ZNF804B: variants seen among roughly 807,000 people sequenced by gnomAD.
ZNF804B encodes the protein zinc finger 804B.
A neutral mutation model predicts 101.4 loss-of-function variants in ZNF804B; 80 were observed. That is an observed-to-expected ratio of 0.79 (90% CI 0.66 to 0.95). The LOEUF (loss-of-function observed/expected upper bound fraction) is 0.95, where lower values mean the gene tolerates loss of function less well. ZNF804B is among the 40% of genes least tolerant of loss of function. The pLI, the probability that ZNF804B is intolerant of heterozygous loss-of-function variation, is 0.00. For synonymous variants in ZNF804B, 622 were observed against 558.8 expected (o/e 1.11, Z -1.59); for missense variants, 1,673 against 1,561.9 (o/e 1.07, Z -1.20).
rs1584127242 is a variant in ZNF804B, at chr7:89,327,280, T to C, written c.250-64T>C. The C allele has an allele frequency of 2.1e-6, 3 of 1,460,658 alleles. No individual in the cohort carries two copies. In the East Asian group the frequency reaches 7.3e-5, roughly 36 times the overall value. 90.5% of individuals were successfully genotyped at this position (1,460,658 alleles called of 1,614,324 possible). A position where few individuals can be genotyped will look rare whatever the true frequency, so the allele number is the denominator to read the frequency against. On this transcript the variant is annotated intron_variant, in intron 2 of 3. Coordinates refer to ENST00000333190, the MANE Select transcript of ZNF804B (RefSeq NM_181646.5). Reference sequence around the variant, plus strand: ...TTAGGATAAAGAATAATAAGGAGCCTTGTGGATGGAAAAGAATATATTATT... The same window carrying C: ...TTAGGATAAAGAATAATAAGGAGCCCTGTGGATGGAAAAGAATATATTATT...
chr7:89,188,433 G>A (rs1001293469), intron 1 of ZNF804B, among the ~76,000 whole-genome samples: 1 of 151,922 alleles, frequency 6.6e-6, no homozygotes, highest in Non-Finnish European at 1.5e-5. Flanking sequence ...AAATTACGTC[G>A]ATTTTTAATC....
At chr7:89,021,261 C>A (rs1788662647) in intron 1 of ZNF804B, among the ~76,000 whole-genome samples, 1 of 152,016 alleles carries the variant, frequency 6.6e-6, no homozygotes, top group South Asian at 2.1e-4. Flanking sequence ...GTCTCAGTGG[C>A]CTGGGCTGAA....
At chr7:89,013,812 C>G (rs1212101853) in intron 1 of ZNF804B, among the ~76,000 whole-genome samples, 2 of 152,132 alleles carry the variant, frequency 1.3e-5, no homozygotes, top group Non-Finnish European at 2.9e-5. Context: ...CTGTTCTACT[C>G]TTTACTTCTA....
chr7:89,091,485 G>A (rs181905943), intron 1 of ZNF804B, among the ~76,000 whole-genome samples: 154 of 151,944 alleles, frequency 1.0e-3, no homozygotes, highest in Non-Finnish European at 1.7e-3. Context: ...AAGTTTTCTC[G>A]GTAAAAGTCG....
intron 1 of ZNF804B, among the ~76,000 whole-genome samples, chr7:88,896,311 G>T (rs955360807): frequency 6.6e-6 from 1 of 152,124 alleles, no homozygotes; most frequent in Non-Finnish European, 1.5e-5. Context: ...TGGAAAAATG[G>T]GTGAGAAGTA....
At chr7:88,894,984 G>A (rs188447744) in intron 1 of ZNF804B, among the ~76,000 whole-genome samples, 1 of 152,102 alleles carries the variant, frequency 6.6e-6, no homozygotes, top group African/African-American at 2.4e-5. Context: ...GAACATTAAT[G>A]TATACACTTT....
At chr7:88,956,764 C>T (rs1793316307) in intron 1 of ZNF804B, among the ~76,000 whole-genome samples, 1 of 151,334 alleles carries the variant, frequency 6.6e-6, no homozygotes, top group East Asian at 2.0e-4. Flanking sequence ...AAAATGTTAT[C>T]TCATACTGTG....
At chr7:88,955,306 A>G (rs1436685714) in intron 1 of ZNF804B, among the ~76,000 whole-genome samples, 1 of 151,424 alleles carries the variant, frequency 6.6e-6, no homozygotes, top group East Asian at 2.0e-4. Flanking sequence ...AGTAGCTAAA[A>G]TTTCTCCTTA....
intron 1 of ZNF804B, among the ~76,000 whole-genome samples, chr7:88,797,049 T>A (rs1471379759): frequency 6.6e-6 from 1 of 152,138 alleles, no homozygotes; most frequent in Non-Finnish European, 1.5e-5. Context: ...AAATTTAAAA[T>A]GAAAACATTT....
At chr7:89,088,596 C>G (rs1789840127) in intron 1 of ZNF804B, among the ~76,000 whole-genome samples, 1 of 148,256 alleles carries the variant, frequency 6.7e-6, no homozygotes, top group African/African-American at 2.5e-5. Context: ...TGCTCTCTAG[C>G]CAGAATATCC....
At chr7:89,056,190 G>A (rs1286523857) in intron 1 of ZNF804B, among the ~76,000 whole-genome samples, 1 of 152,004 alleles carries the variant, frequency 6.6e-6, no homozygotes, top group Non-Finnish European at 1.5e-5. Context: ...GGATAAGTGG[G>A]TTTGTGAACT....
chr7:88,940,558 C>T (rs1446687251), intron 1 of ZNF804B, among the ~76,000 whole-genome samples: 3 of 151,656 alleles, frequency 2.0e-5, no homozygotes, highest in Non-Finnish European at 4.4e-5. Context: ...TTGCTTGAGT[C>T]CAGGAGCTTG....
chr7:89,176,581 TTCTTTCTTTC>T (rs1791322882), intron 1 of ZNF804B, among the ~76,000 whole-genome samples: 1 of 125,232 alleles, frequency 8.0e-6, no homozygotes, highest in African/African-American at 3.2e-5. Flanking sequence ...TTTTCTTTCT[TTCTTTCTTTC>T]TTTTTTTTTT....
intron 1 of ZNF804B, among the ~76,000 whole-genome samples, chr7:89,151,929 G>A (rs1286242572): frequency 6.6e-6 from 1 of 152,152 alleles, no homozygotes; most frequent in Non-Finnish European, 1.5e-5. Flanking sequence ...CCCTGTTTTA[G>A]TCTTGTATGG....
At chr7:89,132,544 T>C (rs1481894345) in intron 1 of ZNF804B, among the ~76,000 whole-genome samples, 1 of 152,036 alleles carries the variant, frequency 6.6e-6, no homozygotes, top group Non-Finnish European at 1.5e-5. Context: ...TACCTACTGC[T>C]GTGACCTTAG....
At chr7:89,129,756 C>T (rs1186020828) in intron 1 of ZNF804B, among the ~76,000 whole-genome samples, 1 of 151,932 alleles carries the variant, frequency 6.6e-6, no homozygotes, top group Non-Finnish European at 1.5e-5. Flanking sequence ...AAGCAGTCTG[C>T]TAGGAAAGCT....
chr7:89,319,573 T>C (rs1790787613), intron 2 of ZNF804B, among the ~76,000 whole-genome samples: 1 of 152,158 alleles, frequency 6.6e-6, no homozygotes, highest in Admixed American at 6.5e-5. Context: ...CAGAGCCTGT[T>C]TACGCGTGAA....
rs1025075023 is a variant in ZNF804B, at chr7:89,309,931, CAT to C, written c.250-17410_250-17409del. Among the ~76,000 whole-genome samples the C allele has an allele frequency of 3.3e-5, 5 of 152,004 alleles. No homozygotes were observed. In the South Asian group the frequency reaches 1.0e-3, roughly 32 times the overall value. ...ACTCTCTCTCCTCACGGACAAAACA[CAT>C]ATTTATTTTGAGGGATGGCCATATA... On this transcript the variant is annotated intron_variant, in intron 2 of 3. Transcript: ENST00000333190.
intron 1 of ZNF804B, among the ~76,000 whole-genome samples, chr7:88,863,073 C>T (rs552836219): frequency 6.4e-4 from 97 of 152,276 alleles, no homozygotes; most frequent in African/African-American, 2.2e-3. Context: ...ATCCACGCCT[C>T]TCCTTCTAGC....
Sources: allele counts gnomAD v4.1 joint callset (sites outside exome capture counted in the v4.1 genomes callset), GRCh38; gene constraint gnomAD v4.1.1; transcripts MANE v1.5; gene names NCBI Gene and HGNC (gene_info 2026-07-23, HGNC 2026-07-21).